ZMYND11: variants seen among roughly 807,000 people sequenced by gnomAD.
ZMYND11 encodes zinc finger MYND-type containing 11, also known as zinc finger MYND domain-containing protein 11.
In ZMYND11, 9 loss-of-function variants were observed where a neutral mutation model predicts 84.9. That is an observed-to-expected ratio of 0.11 (90% CI 0.06 to 0.18). The LOEUF (loss-of-function observed/expected upper bound fraction) is 0.18. Ranked by LOEUF, ZMYND11 falls within the 10% of genes least tolerant of loss-of-function variation. The probability of loss-of-function intolerance (pLI) is 1.00; values close to 1 mark genes in which losing one functional copy is unlikely to be tolerated. For synonymous variants in ZMYND11, 250 were observed against 244.1 expected, an observed-to-expected ratio of 1.02 and a Z score of -0.23; for missense variants, 409 against 761.0, an observed-to-expected ratio of 0.54 and a Z score of 5.44.
Position 252,651 on chromosome 10 carries a change from C to A in ZMYND11, c.*181C>A. The stretch of plus-strand genomic sequence containing the variant: ...TTGTTAATGCTCCTCCGAAGTTTTT[C>A]AGGGGGTAAAAGTAACATCAGTGGA... On this transcript the variant is annotated 3_prime_UTR_variant, in exon 15 of 15. Coordinates refer to ENST00000381604, the MANE Select transcript of ZMYND11 (RefSeq NM_001370100.5). The surrounding 1 kb of genome is among the most constrained non-coding windows in gnomAD (Gnocchi z 4.6). 1.5e-6 allele frequency: 1 copy of A among 668,246 alleles called. No individual in the cohort carries two copies. The highest frequency in any genetic ancestry group is 3.3e-5 in the East Asian group (1 of 30,524). The allele number at this position is 668,246 out of a possible 1,614,324, so 41.4% of individuals were successfully genotyped here. A position where few individuals can be genotyped will look rare whatever the true frequency, so the allele number is the denominator to read the frequency against.
rs1047876018 is a variant in ZMYND11 at position 246,623 on chromosome 10, C to G, written c.951-143C>G. 3 of 714,164 alleles carry G rather than the reference C, an allele frequency of 4.2e-6. No individual in the cohort carries two copies. In the South Asian group the frequency reaches 5.5e-5, roughly 13 times the overall value. 44.2% of individuals were successfully genotyped at this position (714,164 alleles called of 1,614,324 possible). A position where few individuals can be genotyped will look rare whatever the true frequency, so the allele number is the denominator to read the frequency against. Reference sequence around the variant, plus strand: ...CGCAATTAAAAGTAACGGCAGAACCCACAATTGCTTTTGCACCAAGCTAAC... The same window carrying G: ...CGCAATTAAAAGTAACGGCAGAACCGACAATTGCTTTTGCACCAAGCTAAC... On this transcript the variant is annotated intron_variant, in intron 10 of 14. Coordinates refer to ENST00000381604, the MANE Select transcript of ZMYND11 (RefSeq NM_001370100.5).
At position 251,951 on chromosome 10, in the gene ZMYND11, G is replaced by A. The variant is rs188862727; in HGVS notation, c.1687-397G>A. ...GCATGGTATGAGTAAAGACTGCAGC[G>A]TATGTTAACGACGAGAGAAGAATTT... On this transcript the variant is annotated intron_variant, in intron 14 of 14. Coordinates refer to ENST00000381604, the MANE Select transcript of ZMYND11 (RefSeq NM_001370100.5). Among the ~76,000 whole-genome samples, 166 of 152,264 alleles carry A rather than the reference G, an allele frequency of 1.1e-3. 1 individual carries two copies. Among genetic ancestry groups the A allele is most frequent in the Middle Eastern group, 6.8e-3 (2 of 294 alleles).
At chr10:240,184 C>T (rs1950633448) in intron 8 of ZMYND11, 73 bp downstream of exon 8, 1 of 1,291,592 alleles carries the variant, frequency 7.7e-7, no homozygotes, top group Non-Finnish European at 1.1e-6. Context: ...CCACTCTTAT[C>T]TACATTTTAG....
In ZMYND11 at chr10:254,430, T is replaced by G. The variant is rs952756175; in HGVS notation, c.*1960T>G. ...AAGTTTTAGGTAAAATTACAATTGA[T>G]TGTTTTAGGAATCATTATTAAAAAT... On this transcript the variant is annotated 3_prime_UTR_variant, in exon 15 of 15. Coordinates refer to ENST00000381604, the MANE Select transcript of ZMYND11 (RefSeq NM_001370100.5). 6.6e-6 allele frequency: 1 copy of G among 152,630 alleles called. No homozygotes were observed. The highest frequency in any genetic ancestry group is 1.5e-5 in the Non-Finnish European group (1 of 68,042). 9.5% of individuals were successfully genotyped at this position (152,630 alleles called of 1,614,324 possible).
At chr10:209,165 G>C (rs1465553275) in intron 2 of ZMYND11, among the ~76,000 whole-genome samples, 1 of 152,038 alleles carries the variant, frequency 6.6e-6, no homozygotes, top group African/African-American at 2.4e-5. Flanking sequence ...AAGCAAATAT[G>C]CCGAATATTA....
intron 2 of ZMYND11, among the ~76,000 whole-genome samples, chr10:201,128 C>G (rs2131099907): frequency 6.6e-6 from 1 of 152,010 alleles, no homozygotes; most frequent in Admixed American, 6.6e-5. Flanking sequence ...TTTCAGTCCT[C>G]TGAGCCAGTA....
chr10:137,981 T>G (rs1478119194), intron 1 of ZMYND11, among the ~76,000 whole-genome samples: 1 of 152,198 alleles, frequency 6.6e-6, no homozygotes, highest in Non-Finnish European at 1.5e-5. Context: ...GGACAATTTA[T>G]TTTTGCAATT....
intron 1 of ZMYND11, among the ~76,000 whole-genome samples, chr10:166,309 C>T (rs781798237): frequency 2.1e-4 from 32 of 152,112 alleles, no homozygotes; most frequent in East Asian, 5.8e-4. Context: ...AGCGTAAAGA[C>T]GGTCTACAGA....
intron 13 of ZMYND11, 101 bp from the exon 14 acceptor site, chr10:248,802 A>G: frequency 2.1e-6 from 3 of 1,460,798 alleles, no homozygotes; most frequent in East Asian, 2.5e-5. Flanking sequence ...ATGAAGGGGA[A>G]AAAAGGTACC....
chr10:145,879 T>G (rs1170593065), intron 1 of ZMYND11, among the ~76,000 whole-genome samples: 1 of 152,242 alleles, frequency 6.6e-6, no homozygotes, highest in East Asian at 1.9e-4. Flanking sequence ...CAGAAGATTT[T>G]TAGTTTAATT....
chr10:243,855 A>T (rs534185961), intron 10 of ZMYND11, among the ~76,000 whole-genome samples: 1 of 152,228 alleles, frequency 6.6e-6, no homozygotes, highest in African/African-American at 2.4e-5. Context: ...ACACAGTGAG[A>T]CTCCGTCTCA....
chr10:161,884 T>C (rs1588553753), intron 1 of ZMYND11, among the ~76,000 whole-genome samples: 2 of 152,366 alleles, frequency 1.3e-5, no homozygotes, highest in South Asian at 4.1e-4. Flanking sequence ...GCTGTTTTGC[T>C]TTCTTATTCA....
chr10:248,393 C>T lies in ZMYND11; in HGVS notation c.1285C>T (p.Gln429Ter). The T allele has an allele frequency of 6.2e-7, 1 of 1,614,154 alleles. No individual in the cohort carries two copies. Among genetic ancestry groups the T allele is most frequent in the Non-Finnish European group, 8.5e-7 (1 of 1,180,016 alleles). The part of the protein sequence containing the change: ...SSSQEIPTMP[Q>*]PIEKVSVSTQ... ...TAGCCAGGAAATACCCACGATGCCT[C>T]AGCCCATCGAAAAAGTCTCCGTGTC... The change falls in exon 13 of 15, where the codon CAG becomes TAG. Residue 429 changes from glutamine to a stop codon, truncating the protein, a stop_gained. Coordinates refer to ENST00000381604, the MANE Select transcript of ZMYND11 (RefSeq NM_001370100.5). LOFTEE classifies it high-confidence loss of function.
intron 6 of ZMYND11, among the ~76,000 whole-genome samples, chr10:238,126 A>G (rs1390923164): frequency 6.6e-6 from 1 of 152,248 alleles, no homozygotes; most frequent in African/African-American, 2.4e-5. Context: ...AAAGTTAATT[A>G]TTCTTAAAGG....
intron 1 of ZMYND11, among the ~76,000 whole-genome samples, chr10:157,415 GTC>G (rs1253500459): frequency 1.3e-5 from 2 of 152,078 alleles, no homozygotes; most frequent in Non-Finnish European, 2.9e-5. Context: ...GGCCAGGCTG[GTC>G]TCAAACTCCT....
chr10:208,478 C>T (rs1266298518), intron 2 of ZMYND11, among the ~76,000 whole-genome samples: 6 of 152,216 alleles, frequency 3.9e-5, no homozygotes, highest in Admixed American at 1.3e-4. Context: ...AAAAAGTGGA[C>T]GAAGGACATG....
intron 4 of ZMYND11, among the ~76,000 whole-genome samples, chr10:230,671 CAAT>C (rs1564422995): frequency 6.6e-6 from 1 of 151,986 alleles, no homozygotes; most frequent in Non-Finnish European, 1.5e-5. Context: ...TGTCATCTGG[CAAT>C]AAAATGGTTC....
At chr10:249,633 A>G in intron 14 of ZMYND11, 1 of 985,368 alleles carries the variant, frequency 1.0e-6, no homozygotes, top group Non-Finnish European at 1.2e-6. Flanking sequence ...CGCCAGTCTC[A>G]TCCTCCCCAC....
At chr10:234,235 A>T (rs1314741953) in intron 4 of ZMYND11, among the ~76,000 whole-genome samples, 1 of 152,162 alleles carries the variant, frequency 6.6e-6, no homozygotes, top group Non-Finnish European at 1.5e-5. Flanking sequence ...AACAACAGCA[A>T]CTCCTGCACA....
Sources: gnomAD v4.1 joint callset for allele counts (sites outside exome capture counted in the v4.1 genomes callset) on GRCh38, gnomAD v4.1.1 for gene constraint, Gnocchi (gnomAD v3.1) non-coding constraint, MANE v1.5 for transcripts, NCBI Gene and HGNC (gene_info 2026-07-23, HGNC 2026-07-21) for gene names.